SYNJ2: variants seen among roughly 807,000 people sequenced by gnomAD.
The protein encoded by SYNJ2 is synaptojanin 2, also known as polyphosphatidylinositol phosphatase SYNJ2.
Under a neutral mutation model 141.3 loss-of-function variants are expected in SYNJ2, and 116 were observed. The observed-to-expected ratio is 0.82, with a 90% CI of 0.71 to 0.96. The LOEUF is 0.96. SYNJ2 is among the 40% of genes least tolerant of loss of function. The pLI, the probability that SYNJ2 is intolerant of heterozygous loss-of-function variation, is 0.00. For synonymous variants in SYNJ2, 745 were observed against 777.7 expected (o/e 0.96, Z 0.70); for missense variants, 1,873 against 1,934.8 (o/e 0.97, Z 0.60).
intron 2 of SYNJ2, among the ~76,000 whole-genome samples, chr6:158,022,562 T>C: frequency 6.6e-6 from 1 of 152,166 alleles, no homozygotes; most frequent in East Asian, 1.9e-4. Flanking sequence ...GGAGGGGACA[T>C]TGAGACTATT....
chr6:158,087,800 C>A (rs1783154818), intron 23 of SYNJ2, among the ~76,000 whole-genome samples: 1 of 150,628 alleles, frequency 6.6e-6, no homozygotes, highest in Non-Finnish European at 1.5e-5. Flanking sequence ...TTAAAATTCA[C>A]TTGATGACCT....
chr6:158,018,192 C>T (rs973934774), intron 2 of SYNJ2, among the ~76,000 whole-genome samples: 26 of 152,232 alleles, frequency 1.7e-4, no homozygotes, highest in African/African-American at 6.3e-4. Flanking sequence ...GGGGGTGAGC[C>T]GGTGGTGGCC....
At chr6:158,066,282 C>T (rs752187751) in intron 11 of SYNJ2, among the ~76,000 whole-genome samples, 162 bp from the exon 12 acceptor site, 2 of 152,094 alleles carry the variant, frequency 1.3e-5, no homozygotes, top group East Asian at 1.9e-4. Flanking sequence ...CCGTGGTGAC[C>T]GTGGTTTTAA....
chr6:158,001,410 T>G (rs1447450537), intron 1 of SYNJ2: 2 of 149,954 alleles, frequency 1.3e-5, no homozygotes, highest in African/African-American at 4.9e-5. Context: ...TTTTTTTTTT[T>G]TTTGAGATGG....
intron 13 of SYNJ2, 139 bp downstream of exon 13, chr6:158,068,867 T>A: frequency 1.2e-6 from 1 of 832,308 alleles, no homozygotes; most frequent in Non-Finnish European, 1.9e-6. Context: ...TGGGGATCTC[T>A]CACCTGGCTC....
Position 158,028,922 on chromosome 6 carries a change from G to A in SYNJ2, c.381G>A (p.Gly127=), listed in dbSNP as rs747591822. ...LIALKKILSS[G]VFYFSWPNDG... ...CTTTGAAGAAAATCCTCAGCTCGGG[G>A]GTGTTCTATTTCTCATGGCCAAACG... Residue 127 remains glycine, a synonymous_variant, in exon 3 of 27, where the codon GGG becomes GGA. Transcript: ENST00000355585. 1.2e-6 allele frequency: 2 copies of A among 1,614,062 alleles called. No homozygotes were observed. Among genetic ancestry groups the A allele is most frequent in the African/African-American group, 1.3e-5 (1 of 74,924 alleles).
intron 4 of SYNJ2, among the ~76,000 whole-genome samples, chr6:158,034,986 G>T (rs939103765): frequency 2.0e-5 from 3 of 152,190 alleles, no homozygotes; most frequent in Non-Finnish European, 4.4e-5. Flanking sequence ...AGATCACATG[G>T]TTGTAGGTGT....
chr6:157,984,009 T>C (rs1347252786), intron 1 of SYNJ2, among the ~76,000 whole-genome samples: 1 of 151,426 alleles, frequency 6.6e-6, no homozygotes, highest in Non-Finnish European at 1.5e-5. Flanking sequence ...TTCTCTTTCT[T>C]TTCTTTTCTT....
intron 4 of SYNJ2, among the ~76,000 whole-genome samples, chr6:158,042,305 C>A (rs541620619): frequency 1.3e-5 from 2 of 152,304 alleles, no homozygotes; most frequent in East Asian, 3.9e-4. Flanking sequence ...ATGTAGATAC[C>A]AGGCTCCTGT....
At position 158,000,064 on chromosome 6, in the gene SYNJ2, C is replaced by CTTTTTTT. The variant is rs58284240; in HGVS notation, c.128-17107_128-17101dup. ...GCCAGGTTCTCACCAAGCCAAAAGG[C>CTTTTTTT]TTTTTTTTTTTTTTTTTTTTTTTTT... On this transcript the variant is annotated intron_variant, in intron 1 of 26. Transcript: ENST00000355585. Among the ~76,000 whole-genome samples, 142 of 85,550 alleles carry CTTTTTTT rather than the reference C, an allele frequency of 1.7e-3. 34 individuals are homozygous for CTTTTTTT. The highest frequency in any genetic ancestry group is 2.4e-3 in the Non-Finnish European group (100 of 40,822). 56.1% of individuals were successfully genotyped at this position (85,550 alleles called of 152,430 possible).
intron 1 of SYNJ2, among the ~76,000 whole-genome samples, chr6:158,004,732 ACTCT>A (rs941995239): frequency 1.3e-5 from 2 of 150,962 alleles, no homozygotes; most frequent in South Asian, 2.1e-4. Flanking sequence ...AGATCTAAGA[ACTCT>A]CTCTCGGGGT....
chr6:158,012,152 C>T (rs973997486), intron 1 of SYNJ2, among the ~76,000 whole-genome samples: 2 of 152,114 alleles, frequency 1.3e-5, no homozygotes, highest in Non-Finnish European at 2.9e-5. Context: ...TTTGTCATTG[C>T]ACCCAAGCAG....
chr6:158,017,231 G>A lies in SYNJ2; in HGVS notation c.155G>A (p.Gly52Glu). ...LAPEEKEVIKGQYGKLTDAYG... is the reference protein window; with the variant it reads ...LAPEEKEVIKEQYGKLTDAYG... ...CCAGAAGAAAAGGAAGTCATTAAAG[G>A]ACAGTATGGCAAGCTCACGGACGCG... is the stretch of plus-strand genomic sequence containing the variant. Residue 52 changes from glycine to glutamate, a missense_variant, in exon 2 of 27, where the codon GGA becomes GAA. Physicochemically the swap from Gly to Glu is moderately conservative, Grantham distance 98. Transcript: ENST00000355585. 6.2e-7 allele frequency: 1 copy of A among 1,613,974 alleles called. No homozygotes were observed. Among genetic ancestry groups the A allele is most frequent in the Non-Finnish European group, 8.5e-7 (1 of 1,179,960 alleles).
At chr6:158,088,841 C>T in intron 24 of SYNJ2, 69 bp downstream of exon 24, 6 of 1,091,438 alleles carry the variant, frequency 5.5e-6, no homozygotes, top group Non-Finnish European at 8.4e-6. Flanking sequence ...TCTCTCTTCT[C>T]AGTGAATATA....
At chr6:158,073,329 T>G (rs9356348) in intron 15 of SYNJ2, among the ~76,000 whole-genome samples, 1 of 151,310 alleles carries the variant, frequency 6.6e-6, no homozygotes, top group Non-Finnish European at 1.5e-5. Flanking sequence ...TCCTGAGTAA[T>G]TGGGATTACA....
chr6:158,066,370 C>A, intron 11 of SYNJ2, 74 bp from the exon 12 acceptor site: 2 of 1,545,206 alleles, frequency 1.3e-6, no homozygotes, highest in Non-Finnish European at 1.8e-6. Context: ...TGCCAGGCAG[C>A]CTCATCTGTC....
At chr6:158,060,079 G>A (rs1184199568) in intron 7 of SYNJ2, among the ~76,000 whole-genome samples, 4 of 152,148 alleles carry the variant, frequency 2.6e-5, no homozygotes, top group Non-Finnish European at 2.9e-5. Flanking sequence ...CAGGGCACCC[G>A]GCCTCAGGGC....
At chr6:158,018,354 G>A (rs1267227228) in intron 2 of SYNJ2, among the ~76,000 whole-genome samples, 1 of 152,164 alleles carries the variant, frequency 6.6e-6, no homozygotes, top group Non-Finnish European at 1.5e-5. Flanking sequence ...GACTTCTGGG[G>A]CCGAGACAAG....
intron 26 of SYNJ2, chr6:158,094,097 G>A (rs1456836371): frequency 3.0e-6 from 2 of 674,478 alleles, no homozygotes; most frequent in Non-Finnish European, 5.4e-6. Flanking sequence ...GTGTGAGGGG[G>A]GCTTCGGCTT....
Sources: gnomAD v4.1 joint callset for allele counts (sites outside exome capture counted in the v4.1 genomes callset) on GRCh38, gnomAD v4.1.1 for gene constraint, MANE v1.5 for transcripts, NCBI Gene and HGNC (gene_info 2026-07-23, HGNC 2026-07-21) for gene names.